Variants in GNAS observed in about 807,000 individuals in gnomAD.
GNAS encodes GNAS complex locus, also known as protein ALEX.
In GNAS, 8 loss-of-function variants were observed where a neutral mutation model predicts 54.5. The observed-to-expected ratio is 0.15, with a 90% CI of 0.09 to 0.26. The LOEUF is 0.26. GNAS is among the 10% of genes least tolerant of loss of function. The pLI, the probability that GNAS is intolerant of heterozygous loss-of-function variation, is 1.00. For synonymous variants in GNAS, 204 were observed against 191.4 expected, an observed-to-expected ratio of 1.07 and a Z score of -0.54; for missense variants, 170 against 529.8, an observed-to-expected ratio of 0.32 and a Z score of 6.67.
intron 1 of GNAS, among the ~76,000 whole-genome samples, chr20:58,844,733 A>G: frequency 6.6e-6 from 1 of 152,110 alleles, no homozygotes; most frequent in Non-Finnish European, 1.5e-5. Context: ...TGCTCAAATA[A>G]AAAGCACCAG....
rs1365413729 is a variant in GNAS, at chr20:58,853,848, C to T, written c.43+12962C>T. On this transcript the variant is annotated intron_variant, in intron 1 of 12. Transcript: ENST00000306090. The surrounding 1 kb of genome is among the most constrained non-coding windows in gnomAD (Gnocchi z 4.4). ...AGGAGGCCCAGGTGCTGCAGGGGTC[C>T]CCGGAGCTCCTCCCGAGGAGCCCCA... is the stretch of plus-strand genomic sequence containing the variant. 1 of 1,594,496 alleles carries T rather than the reference C, an allele frequency of 6.3e-7. No individual in the cohort carries two copies. Among genetic ancestry groups the T allele is most frequent in the South Asian group, 1.1e-5 (1 of 88,578 alleles).
rs1209895578 is a variant in GNAS at position 58,910,243 on chromosome 20, G to A, written c.971-91G>A. 1.0e-5 allele frequency: 13 copies of A among 1,284,196 alleles called. No homozygotes were observed. Among genetic ancestry groups the A allele is most frequent in the Non-Finnish European group, 1.3e-5 (11 of 879,096 alleles). 79.6% of individuals were successfully genotyped at this position (1,284,196 alleles called of 1,614,324 possible). A position where few individuals can be genotyped will look rare whatever the true frequency, so the allele number is the denominator to read the frequency against. The stretch of plus-strand genomic sequence containing the variant: ...CTAATTCTCATATGGAAAAATCAGG[G>A]TTTTGAAGACTTCAGGAGCTACAGA... On this transcript the variant is annotated intron_variant, in intron 11 of 12. Coordinates refer to ENST00000371085, the MANE Select transcript of GNAS (RefSeq NM_000516.7). This position sits in a 1 kb window ranked among gnomAD's most constrained non-coding sequence, Gnocchi z 5.8.
intron 1 of GNAS, among the ~76,000 whole-genome samples, chr20:58,871,082 G>A (rs868645534): frequency 3.4e-4 from 52 of 152,108 alleles, no homozygotes; most frequent in Non-Finnish European, 2.5e-4. Context: ...TTCCATGTTC[G>A]CCATCGTCCT....
rs1482051416 is a variant in GNAS at position 58,853,159 on chromosome 20, C to G, written c.43+12273C>G. 7.0e-7 allele frequency: 1 copy of G among 1,438,740 alleles called. No homozygotes were observed. Among genetic ancestry groups the G allele is most frequent in the African/African-American group, 1.4e-5 (1 of 69,560 alleles). The allele number at this position is 1,438,740 out of a possible 1,614,324, so 89.1% of individuals were successfully genotyped here. ...AAAGTGAGGCCGGTGAACTTTCCAG[C>G]TGGTACTTTGATTTTAAAATAATAA... is the stretch of plus-strand genomic sequence containing the variant. On this transcript the variant is annotated intron_variant, in intron 1 of 12. Transcript: ENST00000306090. The surrounding 1 kb of genome is among the most constrained non-coding windows in gnomAD (Gnocchi z 4.4).
upstream of GNAS, chr20:58,840,076 C>T (rs1194297472): frequency 1.2e-6 from 2 of 1,607,634 alleles, no homozygotes; most frequent in Admixed American, 3.3e-5. The surrounding 1 kb of genome is among the most constrained non-coding windows in gnomAD (Gnocchi z 6.0). Flanking sequence ...AGCCAGAGGG[C>T]AGGCCGGCTT....
At chr20:58,847,417 G>C (rs1029968642) in intron 1 of GNAS, among the ~76,000 whole-genome samples, 3 of 152,192 alleles carry the variant, frequency 2.0e-5, no homozygotes, top group Non-Finnish European at 4.4e-5. Flanking sequence ...GAGTCTGAAG[G>C]GAAAAGGATG....
chr20:58,907,856 G>C (rs1489934902), intron 6 of GNAS, among the ~76,000 whole-genome samples: 1 of 152,214 alleles, frequency 6.6e-6, no homozygotes, highest in Non-Finnish European at 1.5e-5. Flanking sequence ...TCAGATACTG[G>C]TAGTGTGCCC....
At chr20:58,848,758 G>T in intron 1 of GNAS, 1 of 395,744 alleles carries the variant, frequency 2.5e-6, no homozygotes, top group South Asian at 1.4e-4. Context: ...TTACTATACC[G>T]GATTCCTCAG....
intron 1 of GNAS, among the ~76,000 whole-genome samples, chr20:58,862,962 GAAAA>G (rs542171703): frequency 2.4e-5 from 2 of 82,332 alleles, no homozygotes; most frequent in Non-Finnish European, 4.9e-5. Context: ...TATTACACAT[GAAAA>G]AAAAAAAAAA....
At chr20:58,898,788 G>T in intron 2 of GNAS, 153 bp from the exon 3 acceptor site, 2 of 771,430 alleles carry the variant, frequency 2.6e-6, no homozygotes, top group East Asian at 2.4e-5. Flanking sequence ...CCAGAAAGGC[G>T]ACCTAAGAAT....
intron 3 of GNAS, chr20:58,903,272 C>T: frequency 6.9e-6 from 4 of 577,484 alleles, no homozygotes; most frequent in Non-Finnish European, 1.2e-5. Flanking sequence ...AAATGAGCTG[C>T]ATGCAACTTC....
chr20:58,867,256 A>G (rs1410057257), intron 1 of GNAS, among the ~76,000 whole-genome samples: 2 of 152,254 alleles, frequency 1.3e-5, no homozygotes, highest in South Asian at 4.1e-4. Context: ...GGATTGCCAG[A>G]AAACTTCTAG....
At position 58,909,029 on chromosome 20, in the gene GNAS, G is replaced by A; in HGVS notation, c.531-133G>A. 1 of 796,300 alleles carries A rather than the reference G, an allele frequency of 1.3e-6. No homozygotes were observed. Among genetic ancestry groups the A allele is most frequent in the East Asian group, 2.4e-5 (1 of 41,230 alleles). 49.3% of individuals were successfully genotyped at this position (796,300 alleles called of 1,614,324 possible). A position where few individuals can be genotyped will look rare whatever the true frequency, so the allele number is the denominator to read the frequency against. ...AAATGTAACCAACACACAAGCAAAT[G>A]TGCCATTGACTTAGTGCTGCATAAC... is the stretch of plus-strand genomic sequence containing the variant. On this transcript the variant is annotated intron_variant, in intron 6 of 12. Transcript: ENST00000371085. The surrounding 1 kb of genome is among the most constrained non-coding windows in gnomAD (Gnocchi z 7.3).
chr20:58,861,096 C>A (rs1207346323), intron 1 of GNAS, among the ~76,000 whole-genome samples: 1 of 152,208 alleles, frequency 6.6e-6, no homozygotes, highest in Non-Finnish European at 1.5e-5. Flanking sequence ...ACCCCCAACC[C>A]CAGCAAAATT....
rs370723643 is a variant in GNAS, at chr20:58,909,502, C to G, written c.660-19C>G. ...ACCCCAGTCCCTCTGGAATAACCAG[C>G]TGTCCTCCTCCCCACCAGCATGTTT... On this transcript the variant is annotated intron_variant, in intron 8 of 12. Coordinates refer to ENST00000371085, the MANE Select transcript of GNAS (RefSeq NM_000516.7). The surrounding 1 kb of genome is among the most constrained non-coding windows in gnomAD (Gnocchi z 7.3). 1 of 1,613,912 alleles carries G rather than the reference C, an allele frequency of 6.2e-7. No homozygotes were observed. The highest frequency in any genetic ancestry group is 8.5e-7 in the Non-Finnish European group (1 of 1,179,762).
intron 1 of GNAS, among the ~76,000 whole-genome samples, chr20:58,885,955 C>G (rs550748920): frequency 3.1e-4 from 47 of 152,322 alleles, no homozygotes; most frequent in Admixed American, 1.0e-3. Context: ...TACATTTGCT[C>G]TGGGCTCTTG....
intron 1 of GNAS, among the ~76,000 whole-genome samples, chr20:58,878,763 T>C (rs1263999793): frequency 6.6e-6 from 1 of 152,084 alleles, no homozygotes; most frequent in Non-Finnish European, 1.5e-5. Flanking sequence ...CCCTATTCCT[T>C]CTGGAAAGCA....
chr20:58,840,103 G>A (rs2085660242), upstream of GNAS: 1 of 1,610,594 alleles, frequency 6.2e-7, no homozygotes, highest in Non-Finnish European at 8.5e-7. The surrounding 1 kb of genome is among the most constrained non-coding windows in gnomAD (Gnocchi z 6.0). Context: ...GTGTGCCTAA[G>A]AGGATGGATC....
upstream of GNAS, chr20:58,889,332 T>A: frequency 1.0e-6 from 1 of 988,652 alleles, no homozygotes; most frequent in Non-Finnish European, 1.2e-6. Flanking sequence ...CTGCCTTGCG[T>A]GTGAGTGCAC....
Sources: gnomAD v4.1 joint callset for allele counts (sites outside exome capture counted in the v4.1 genomes callset) on GRCh38, gnomAD v4.1.1 for gene constraint, Gnocchi (gnomAD v3.1) non-coding constraint, MANE v1.5 for transcripts, NCBI Gene and HGNC (gene_info 2026-07-23, HGNC 2026-07-21) for gene names.